Variants in AMOTL1 observed in about 807,000 individuals in gnomAD.
The protein encoded by AMOTL1 is angiomotin like 1, also known as angiomotin-like protein 1.
AMOTL1 carries 45 observed loss-of-function variants against 102.9 expected under a neutral mutation model. That is an observed-to-expected ratio of 0.44 (90% confidence interval 0.34 to 0.56). The LOEUF (loss-of-function observed/expected upper bound fraction) is 0.56. Ranked by LOEUF, AMOTL1 falls within the 20% of genes least tolerant of loss-of-function variation. The pLI is 0.01. For missense variants in AMOTL1, 1,114 were observed against 1,225.6 expected (o/e 0.91, Z 1.36); for synonymous variants, 481 against 484.7 (o/e 0.99, Z 0.10).
At chr11:94,739,870 G>C (rs1245047174) in intron 2 of AMOTL1, among the ~76,000 whole-genome samples, 1 of 152,160 alleles carries the variant, frequency 6.6e-6, no homozygotes, top group Non-Finnish European at 1.5e-5. Flanking sequence ...CTGACTCAGA[G>C]GGGGAGGTTC....
intron 1 of AMOTL1, among the ~76,000 whole-genome samples, chr11:94,789,942 G>A (rs879889360): frequency 6.6e-5 from 10 of 152,148 alleles, no homozygotes; most frequent in South Asian, 2.1e-4. Context: ...AGCTTTGCCC[G>A]TTGGTGACAT....
rs558012770 is a variant in AMOTL1, at chr11:94,805,279, A to G, written c.1121+4968A>G. Reference sequence around the variant, plus strand: ...CCAGAATTCTGGTGAAGTATTCTAGACTCTAGGAAGAAAGCTGTCTGGATA... The same window carrying G: ...CCAGAATTCTGGTGAAGTATTCTAGGCTCTAGGAAGAAAGCTGTCTGGATA... On this transcript the variant is annotated intron_variant, in intron 3 of 12. Transcript: ENST00000433060. Among the ~76,000 whole-genome samples, 35 of 152,104 alleles carry G rather than the reference A, an allele frequency of 2.3e-4. No individual in the cohort carries two copies. In the South Asian group the frequency reaches 6.3e-3, roughly 27 times the overall value.
At chr11:94,835,952 G>A (rs1025428692) in intron 6 of AMOTL1, among the ~76,000 whole-genome samples, 2 of 152,194 alleles carry the variant, frequency 1.3e-5, no homozygotes, top group Non-Finnish European at 2.9e-5. Context: ...GGACCATATT[G>A]TTTTAAAAAT....
chr11:94,774,536 A>G (rs1288990877), intron 1 of AMOTL1, among the ~76,000 whole-genome samples: 1 of 152,158 alleles, frequency 6.6e-6, no homozygotes, highest in Non-Finnish European at 1.5e-5. Flanking sequence ...TTTACTTCTC[A>G]GAGGAAATTA....
chr11:94,792,404 A>G (rs1565353294), intron 1 of AMOTL1, among the ~76,000 whole-genome samples: 1 of 152,258 alleles, frequency 6.6e-6, no homozygotes, highest in South Asian at 2.1e-4. Flanking sequence ...CCAACATGGC[A>G]CATGTATACA....
chr11:94,841,697 G>A (rs190075110), intron 6 of AMOTL1, among the ~76,000 whole-genome samples: 11 of 152,302 alleles, frequency 7.2e-5, no homozygotes, highest in Admixed American at 2.0e-4. Context: ...TAAAGTGAAA[G>A]GTTGAACAGT....
intron 3 of AMOTL1, 46 bp from the exon 4 acceptor site, chr11:94,821,484 C>A: frequency 6.3e-7 from 1 of 1,578,492 alleles, no homozygotes; most frequent in East Asian, 2.3e-5. Context: ...CTTCCTGCTC[C>A]CACCATTTCC....
intron 3 of AMOTL1, among the ~76,000 whole-genome samples, chr11:94,744,652 T>C (rs1351698176): frequency 6.6e-6 from 1 of 152,216 alleles, no homozygotes; most frequent in Non-Finnish European, 1.5e-5. Context: ...AATGTAATTT[T>C]TGTTAATGTA....
rs1354377657 is a variant in AMOTL1 at position 94,873,031 on chromosome 11, C to T, written c.*2236C>T. On this transcript the variant is annotated 3_prime_UTR_variant, in exon 13 of 13. Transcript: ENST00000433060. Reference sequence around the variant, plus strand: ...GGTAAATCAACTCTGCCAGCCCCTACCATCAGGTCTGGGCCACCCCAAACT... The same window carrying T: ...GGTAAATCAACTCTGCCAGCCCCTATCATCAGGTCTGGGCCACCCCAAACT... 4 of 152,150 alleles carry T rather than the reference C, an allele frequency of 2.6e-5. No individual in the cohort carries two copies. The highest frequency in any genetic ancestry group is 5.9e-5 in the Non-Finnish European group (4 of 68,030). The allele number at this position is 152,150 out of a possible 1,614,324, so 9.4% of individuals were successfully genotyped here. A position where few individuals can be genotyped will look rare whatever the true frequency, so the allele number is the denominator to read the frequency against.
At chr11:94,727,565 T>A (rs1228465550) in intron 1 of AMOTL1, among the ~76,000 whole-genome samples, 1 of 152,154 alleles carries the variant, frequency 6.6e-6, no homozygotes, top group Non-Finnish European at 1.5e-5. Context: ...AAAAGCATAT[T>A]ATTATAGGCT....
At chr11:94,850,395 C>A in intron 7 of AMOTL1, 136 bp downstream of exon 7, 2 of 1,207,944 alleles carry the variant, frequency 1.7e-6, no homozygotes, top group Non-Finnish European at 2.2e-6. Context: ...ATATGGGAAA[C>A]TTCTCAAATA....
chr11:94,785,111 A>G (rs1045952293), intron 1 of AMOTL1, among the ~76,000 whole-genome samples: 1 of 152,250 alleles, frequency 6.6e-6, no homozygotes, highest in South Asian at 2.1e-4. Context: ...AAAAAATAAC[A>G]CAAAGAGAAT....
At chr11:94,788,846 C>A (rs1258433836) in intron 1 of AMOTL1, among the ~76,000 whole-genome samples, 1 of 152,228 alleles carries the variant, frequency 6.6e-6, no homozygotes, top group Non-Finnish European at 1.5e-5. Flanking sequence ...AGTTAAACTT[C>A]AGACAAGTTT....
chr11:94,852,562 A>G (rs1339055919), intron 7 of AMOTL1, among the ~76,000 whole-genome samples: 2 of 152,278 alleles, frequency 1.3e-5, no homozygotes, highest in African/African-American at 4.8e-5. Flanking sequence ...CCCAGGATTT[A>G]TGAACATGGG....
In AMOTL1 at chr11:94,875,165, T is replaced by A. The variant is rs999335120; in HGVS notation, c.*4370T>A. The A allele has an allele frequency of 2.0e-4, 31 of 152,242 alleles. No homozygotes were observed. Among genetic ancestry groups the A allele is most frequent in the Non-Finnish European group, 3.4e-4 (23 of 68,030 alleles). 9.4% of individuals were successfully genotyped at this position (152,242 alleles called of 1,614,324 possible). On this transcript the variant is annotated 3_prime_UTR_variant, in exon 13 of 13. Transcript: ENST00000433060. ...AAGTGTTTAAAATGTCTTCATTAGA[T>A]GTGACGATTGTTTAATGAGTTTGCC...
At chr11:94,847,787 T>C (rs1290972141) in intron 6 of AMOTL1, among the ~76,000 whole-genome samples, 1 of 152,048 alleles carries the variant, frequency 6.6e-6, no homozygotes, top group African/African-American at 2.4e-5. Flanking sequence ...GGGTGTTTGT[T>C]GACTCAGGAC....
At chr11:94,757,459 G>GT (rs1320145826) in intron 3 of AMOTL1, among the ~76,000 whole-genome samples, 5 of 152,128 alleles carry the variant, frequency 3.3e-5, no homozygotes, top group Admixed American at 2.0e-4. Context: ...CTAAGTCTGT[G>GT]TTTTAAAATC....
chr11:94,809,034 G>A (rs2135592260), intron 3 of AMOTL1, among the ~76,000 whole-genome samples: 1 of 138,782 alleles, frequency 7.2e-6, no homozygotes, highest in South Asian at 2.3e-4. Context: ...GCAGTGGCTC[G>A]ATCTCAGCTC....
At chr11:94,833,364 A>G (rs1009011312) in intron 6 of AMOTL1, among the ~76,000 whole-genome samples, 2 of 152,168 alleles carry the variant, frequency 1.3e-5, no homozygotes, top group Admixed American at 6.5e-5. Context: ...TCAAGATGTT[A>G]TTTCAAATTT....
Sources: gnomAD v4.1 joint callset for allele counts (sites outside exome capture counted in the v4.1 genomes callset) on GRCh38, gnomAD v4.1.1 for gene constraint, MANE v1.5 for transcripts, NCBI Gene and HGNC (gene_info 2026-07-23, HGNC 2026-07-21) for gene names.